PRR11: variants seen among roughly 807,000 people sequenced by gnomAD.
PRR11 encodes the protein proline-rich protein 11.
Under a neutral mutation model 45.6 loss-of-function variants are expected in PRR11, and 30 were observed. The ratio of observed to expected loss-of-function variants is 0.66; its 90% confidence interval spans 0.49 to 0.89. The LOEUF (loss-of-function observed/expected upper bound fraction) is 0.89, where lower values mean the gene tolerates loss of function less well. PRR11 is among the 40% of genes least tolerant of loss of function. PRR11 has a pLI of 0.00. For synonymous variants in PRR11, 128 were observed against 153.5 expected (o/e 0.83, Z 1.23); for missense variants, 373 against 424.8 (o/e 0.88, Z 1.07).
At position 59,203,270 on chromosome 17, in the gene PRR11, G is replaced by C. The variant is rs1426070948; in HGVS notation, c.*1639G>C. Among the ~76,000 whole-genome samples the C allele has an allele frequency of 1.3e-5, 2 of 152,070 alleles. No individual in the cohort carries two copies. The highest frequency in any genetic ancestry group is 2.9e-5 in the Non-Finnish European group (2 of 68,022). On this transcript the variant is annotated 3_prime_UTR_variant, in exon 10 of 10. Transcript: ENST00000262293. The stretch of plus-strand genomic sequence containing the variant: ...GATGAAGTCTCACTCTGTCACCCAG[G>C]CTGGAGTGCAGTGGCGCAATCTTGG...
rs71367677 is a variant in PRR11, at chr17:59,204,395, CAAAAAAAA to C, written c.*2781_*2788del. On this transcript the variant is annotated 3_prime_UTR_variant, in exon 10 of 10. Transcript: ENST00000262293. ...TGGGCAACAGAGCCAGACCCTGCCT[CAAAAAAAA>C]AAAAAAAAAAAAAAAAGGCCTGGCA... 1.2e-4 allele frequency: 6 copies of C among 48,882 alleles called. No individual in the cohort carries two copies. The highest frequency in any genetic ancestry group is 5.8e-4 in the East Asian group (1 of 1,714). The allele number at this position is 48,882 out of a possible 1,614,324, so 3.0% of individuals were successfully genotyped here. A position where few individuals can be genotyped will look rare whatever the true frequency, so the allele number is the denominator to read the frequency against.
At position 59,202,294 on chromosome 17, in the gene PRR11, C is replaced by T. The variant is rs911967344; in HGVS notation, c.*663C>T. 1.3e-5 allele frequency: 2 copies of T among 152,336 alleles called. No homozygotes were observed. Among genetic ancestry groups the T allele is most frequent in the Admixed American group, 1.3e-4 (2 of 15,300 alleles). The allele number at this position is 152,336 out of a possible 1,614,324, so 9.4% of individuals were successfully genotyped here. A position where few individuals can be genotyped will look rare whatever the true frequency, so the allele number is the denominator to read the frequency against. On this transcript the variant is annotated 3_prime_UTR_variant, in exon 10 of 10. Transcript: ENST00000262293. Reference sequence around the variant, plus strand: ...TGACAGTAAAAAAATAGCCTCTTGGCTCATACCTGTAATCCCACCACTTTG... The same window carrying T: ...TGACAGTAAAAAAATAGCCTCTTGGTTCATACCTGTAATCCCACCACTTTG...
intron 2 of PRR11, among the ~76,000 whole-genome samples, chr17:59,175,929 C>T (rs1020055598): frequency 6.6e-6 from 1 of 152,166 alleles, no homozygotes; most frequent in Non-Finnish European, 1.5e-5. Flanking sequence ...AAATTGAATA[C>T]ATTGATATTG....
At position 59,200,714 on chromosome 17, in the gene PRR11, G is replaced by A. The variant is rs192701643; in HGVS notation, c.1015-849G>A. On this transcript the variant is annotated intron_variant, in intron 9 of 9. Coordinates refer to ENST00000262293, the MANE Select transcript of PRR11 (RefSeq NM_018304.4). ...TCACCGTGTTAGCCAGGATGGTCTC[G>A]ATCTCCTGACCTTGTGATCCACCTG... Among the ~76,000 whole-genome samples the A allele has an allele frequency of 4.4e-3, 676 of 152,136 alleles. 9 individuals are homozygous for A. The highest frequency in any genetic ancestry group is 0.015 in the African/African-American group (632 of 41,530).
chr17:59,166,528 G>A (rs2046680806), intron 1 of PRR11, among the ~76,000 whole-genome samples: 1 of 151,926 alleles, frequency 6.6e-6, no homozygotes, highest in Non-Finnish European at 1.5e-5. Flanking sequence ...TTTCCAAAAT[G>A]TTCACTTGGT....
chr17:59,190,837 T>C (rs912749933), intron 4 of PRR11, among the ~76,000 whole-genome samples: 1 of 152,260 alleles, frequency 6.6e-6, no homozygotes, highest in Admixed American at 6.5e-5. Context: ...GGGTTATGTG[T>C]CTAGTCCTTG....
rs2046805446 is a variant in PRR11, at chr17:59,184,808, G to T, written c.129-246G>T. 2.0e-5 allele frequency among the ~76,000 whole-genome samples: 3 copies of T among 147,016 alleles called. No homozygotes were observed. In the South Asian group the frequency reaches 6.4e-4, roughly 31 times the overall value. On this transcript the variant is annotated intron_variant, in intron 2 of 9. Coordinates refer to ENST00000262293, the MANE Select transcript of PRR11 (RefSeq NM_018304.4). Reference sequence around the variant, plus strand: ...TTTAACCCATCTTCAAACCTGGTTTGCATATTCTTCTCTCTTCTGGCACAC... The same window carrying T: ...TTTAACCCATCTTCAAACCTGGTTTTCATATTCTTCTCTCTTCTGGCACAC...
At chr17:59,169,093 CTTTT>C (rs780548478) in intron 1 of PRR11, among the ~76,000 whole-genome samples, 6 of 106,730 alleles carry the variant, frequency 5.6e-5, no homozygotes, top group African/African-American at 1.6e-4. Flanking sequence ...GAAACATATT[CTTTT>C]TTTTTTTTTT....
intron 2 of PRR11, among the ~76,000 whole-genome samples, chr17:59,171,876 T>A (rs1203910961): frequency 6.6e-6 from 1 of 151,988 alleles, no homozygotes; most frequent in Non-Finnish European, 1.5e-5. Context: ...GGGGCACATA[T>A]AATAATACAG....
intron 9 of PRR11, among the ~76,000 whole-genome samples, chr17:59,200,245 G>A (rs1354827956): frequency 2.6e-5 from 4 of 152,138 alleles, no homozygotes; most frequent in African/African-American, 7.2e-5. Flanking sequence ...TGAAGCAACT[G>A]TATCAGGTTT....
In PRR11 at chr17:59,185,050, A is replaced by G. The variant is rs749202281; in HGVS notation, c.129-4A>G. On this transcript the variant is annotated splice_polypyrimidine_tract_variant and splice_region_variant and intron_variant, in intron 2 of 9. Transcript: ENST00000262293. ...TTATTTGTTTCATTTTGTTTTTCCTACAGAGTCGGTATTTCTTCAATAGAT... is the reference window on the plus strand; with the variant it reads ...TTATTTGTTTCATTTTGTTTTTCCTGCAGAGTCGGTATTTCTTCAATAGAT... 28 of 1,611,754 alleles carry G rather than the reference A, an allele frequency of 1.7e-5. No homozygotes were observed. The highest frequency in any genetic ancestry group is 2.4e-5 in the Non-Finnish European group (28 of 1,178,756).
At chr17:59,190,046 A>G (rs1312657794) in intron 4 of PRR11, among the ~76,000 whole-genome samples, 1 of 152,166 alleles carries the variant, frequency 6.6e-6, no homozygotes, top group Non-Finnish European at 1.5e-5. Context: ...AAATAATTCT[A>G]TAAACCTTCC....
At chr17:59,160,349 C>G (rs1158544532) in intron 1 of PRR11, among the ~76,000 whole-genome samples, 1 of 152,190 alleles carries the variant, frequency 6.6e-6, no homozygotes, top group Non-Finnish European at 1.5e-5. Context: ...TTAACCCCTA[C>G]AGTATACTTC....
At chr17:59,160,061 C>A (rs900185503) in intron 1 of PRR11, among the ~76,000 whole-genome samples, 1 of 151,636 alleles carries the variant, frequency 6.6e-6, no homozygotes, top group Non-Finnish European at 1.5e-5. Context: ...TTTAAAAAAT[C>A]TGATATAGTA....
intron 2 of PRR11, chr17:59,177,240 C>A (rs2046752713): frequency 3.7e-6 from 2 of 547,382 alleles, no homozygotes; most frequent in African/African-American, 1.9e-5. Flanking sequence ...ATGCTATGAC[C>A]ATAGCCAGGA....
chr17:59,189,309 T>A (rs149162719), intron 4 of PRR11, among the ~76,000 whole-genome samples: 1 of 150,876 alleles, frequency 6.6e-6, no homozygotes, highest in East Asian at 2.0e-4. Context: ...AAAAATATTA[T>A]TTGAGACAAA....
intron 2 of PRR11, among the ~76,000 whole-genome samples, chr17:59,180,519 G>GTTTTTTTTGT (rs1555716465): frequency 0.16 from 19,154 of 122,720 alleles, 1,788 homozygotes; most frequent in East Asian, 0.27. Context: ...TGTTTTTTTT[G>GTTTTTTTTGT]TTTTTTTTGC....
At chr17:59,192,955 C>T (rs917439342) in intron 4 of PRR11, among the ~76,000 whole-genome samples, 3 of 152,180 alleles carry the variant, frequency 2.0e-5, no homozygotes, top group South Asian at 4.1e-4. Context: ...TATCTCCCTT[C>T]GTCTGCTAAG....
At chr17:59,178,668 A>C in intron 2 of PRR11, 1 of 496,108 alleles carries the variant, frequency 2.0e-6, no homozygotes, top group South Asian at 1.5e-5. Flanking sequence ...GGGAAAGAGG[A>C]GAATGACTTT....
Sources: allele counts gnomAD v4.1 joint callset (sites outside exome capture counted in the v4.1 genomes callset), GRCh38; gene constraint gnomAD v4.1.1; transcripts MANE v1.5; gene names NCBI Gene and HGNC (gene_info 2026-07-23, HGNC 2026-07-21).